OPCML: variants seen among roughly 807,000 people sequenced by gnomAD.
The protein encoded by OPCML is opioid binding protein/cell adhesion molecule like.
Under a neutral mutation model 37.8 loss-of-function variants are expected in OPCML, and 13 were observed. The ratio of observed to expected loss-of-function variants is 0.34; its 90% CI spans 0.22 to 0.55. The LOEUF is 0.55. Among genes scored for constraint, OPCML ranks in the 20% least tolerant of loss-of-function variants. The pLI, the probability that OPCML is intolerant of heterozygous loss-of-function variation, is 0.91. For synonymous variants in OPCML, 176 were observed against 168.8 expected, an observed-to-expected ratio of 1.04 and a Z score of -0.33; for missense variants, 341 against 435.6, an observed-to-expected ratio of 0.78 and a Z score of 1.93.
chr11:133,005,489 G>A (rs1177537453), intron 1 of OPCML: 3 of 985,236 alleles, frequency 3.0e-6, no homozygotes, highest in Admixed American at 6.2e-5. Flanking sequence ...GGGAGGTAGG[G>A]CAGGTCATAT....
intron 2 of OPCML, among the ~76,000 whole-genome samples, chr11:132,917,391 A>G (rs966529133): frequency 6.6e-6 from 1 of 150,880 alleles, no homozygotes; most frequent in Non-Finnish European, 1.5e-5. Flanking sequence ...TCAGGAATAT[A>G]TGCTCTGGTT....
At position 132,416,878 on chromosome 11, in the gene OPCML, C is replaced by T. The variant is rs2095940588; in HGVS notation, c.*3315G>A. 1 of 152,580 alleles carries T rather than the reference C, an allele frequency of 6.6e-6. No individual in the cohort carries two copies. The highest frequency in any genetic ancestry group is 1.5e-5 in the Non-Finnish European group (1 of 68,026). 9.5% of individuals were successfully genotyped at this position (152,580 alleles called of 1,614,324 possible). ...GACTTGCAGTCGACTGTATCAGGCA[C>T]TTGACATTAAACTACTGAAAAACAA... On this transcript the variant is annotated 3_prime_UTR_variant, in exon 8 of 8. Transcript: ENST00000524381.
intron 2 of OPCML, among the ~76,000 whole-genome samples, chr11:132,736,027 A>G (rs181520021): frequency 6.6e-6 from 1 of 152,332 alleles, no homozygotes; most frequent in East Asian, 1.9e-4. Context: ...TTGTGTCTGA[A>G]TCAAGGAACT....
chr11:133,291,068 G>C (rs1942459316), intron 1 of OPCML, among the ~76,000 whole-genome samples: 1 of 152,192 alleles, frequency 6.6e-6, no homozygotes, highest in Non-Finnish European at 1.5e-5. Flanking sequence ...ATAGTTTCCT[G>C]CTTCGCTTGC....
At chr11:133,284,247 C>G (rs1034945539) in intron 1 of OPCML, among the ~76,000 whole-genome samples, 1 of 152,198 alleles carries the variant, frequency 6.6e-6, no homozygotes. Context: ...AGGCTCATTA[C>G]GACCCAGTGC....
At chr11:132,601,843 C>T (rs1937934342) in intron 3 of OPCML, among the ~76,000 whole-genome samples, 1 of 152,092 alleles carries the variant, frequency 6.6e-6, no homozygotes, top group Non-Finnish European at 1.5e-5. Context: ...TAGGTACATA[C>T]AAAAAGGAAA....
At chr11:133,442,716 C>T (rs938383546) in intron 1 of OPCML, among the ~76,000 whole-genome samples, 4 of 137,774 alleles carry the variant, frequency 2.9e-5, no homozygotes, top group Non-Finnish European at 4.6e-5. Context: ...CAAAAGCAAA[C>T]ATATTTAAAC....
rs754302685 is a variant in OPCML, at chr11:133,208,301, C to A, written c.62-265291G>T. On this transcript the variant is annotated intron_variant, in intron 1 of 7. Transcript: ENST00000524381. This position sits in a 1 kb window ranked among gnomAD's most constrained non-coding sequence, Gnocchi z 8.9. ...ATAAATACCAGTGAGTGAATGAATG[C>A]GGGACAGAAGCCTACACTACCGTGT... 6.6e-6 allele frequency among the ~76,000 whole-genome samples: 1 copy of A among 152,208 alleles called. No homozygotes were observed. The highest frequency in any genetic ancestry group is 6.5e-5 in the Admixed American group (1 of 15,296).
intron 1 of OPCML, among the ~76,000 whole-genome samples, chr11:133,390,206 C>T (rs964040080): frequency 6.6e-6 from 1 of 152,214 alleles, no homozygotes; most frequent in African/African-American, 2.4e-5. Context: ...CGCCTGTAAT[C>T]CCGGCACTTT....
intron 1 of OPCML, among the ~76,000 whole-genome samples, chr11:133,355,589 G>A (rs1206909989): frequency 6.6e-6 from 1 of 152,166 alleles, no homozygotes; most frequent in Non-Finnish European, 1.5e-5. Flanking sequence ...TACTATGTCG[G>A]TGGCACAGCT....
At chr11:132,783,084 T>C (rs969936225) in intron 2 of OPCML, among the ~76,000 whole-genome samples, 1 of 151,968 alleles carries the variant, frequency 6.6e-6, no homozygotes, top group Admixed American at 6.6e-5. Flanking sequence ...AGTTCACCTC[T>C]TTGGGTGAAC....
intron 2 of OPCML, among the ~76,000 whole-genome samples, chr11:132,778,762 T>C (rs1946891370): frequency 6.6e-6 from 1 of 152,106 alleles, no homozygotes; most frequent in African/African-American, 2.4e-5. Flanking sequence ...TCAAGGCCTA[T>C]AGAAATTAAA....
chr11:132,840,626 G>T (rs1411158204), intron 2 of OPCML, among the ~76,000 whole-genome samples: 1 of 152,188 alleles, frequency 6.6e-6, no homozygotes, highest in East Asian at 1.9e-4. Flanking sequence ...CACAGAAAGG[G>T]TGTCATAAAA....
chr11:132,747,128 T>C (rs569902690), intron 2 of OPCML, among the ~76,000 whole-genome samples: 3 of 152,112 alleles, frequency 2.0e-5, no homozygotes, highest in Non-Finnish European at 4.4e-5. Flanking sequence ...AATAGAAGGG[T>C]AAAACAGATT....
chr11:132,652,616 C>A (rs974729812), intron 3 of OPCML, among the ~76,000 whole-genome samples: 1 of 152,250 alleles, frequency 6.6e-6, no homozygotes, highest in Non-Finnish European at 1.5e-5. Flanking sequence ...CACTGCACTA[C>A]AGCCTCCCAG....
chr11:133,003,460 TAAGGATAC>T (rs1169818212), intron 1 of OPCML, among the ~76,000 whole-genome samples: 1 of 152,184 alleles, frequency 6.6e-6, no homozygotes, highest in Non-Finnish European at 1.5e-5. Context: ...CTCCCTTTTG[TAAGGATAC>T]AAGTGACTGT....
intron 4 of OPCML, among the ~76,000 whole-genome samples, chr11:132,442,650 A>C (rs1001195046): frequency 6.6e-6 from 1 of 152,230 alleles, no homozygotes; most frequent in Admixed American, 6.5e-5. Flanking sequence ...CCCACGTGTC[A>C]AGGGCAGGGC....
chr11:133,076,503 CA>C (rs1948622736), intron 1 of OPCML, among the ~76,000 whole-genome samples: 1 of 152,168 alleles, frequency 6.6e-6, no homozygotes, highest in Non-Finnish European at 1.5e-5. Context: ...AGATGTTATA[CA>C]AGACTGTAGA....
rs118113937 is a variant in OPCML at position 132,659,918 on chromosome 11, A to C, written c.147-2599T>G. On this transcript the variant is annotated intron_variant, in intron 2 of 7. Coordinates refer to ENST00000524381, the MANE Select transcript of OPCML (RefSeq NM_001012393.5). ...CTTTATGCTTGAAGGTCTTTTATTGATCACCTACCATATTTATTTGCAACC... is the reference window on the plus strand; with the variant it reads ...CTTTATGCTTGAAGGTCTTTTATTGCTCACCTACCATATTTATTTGCAACC... 6.6e-3 allele frequency among the ~76,000 whole-genome samples: 1,008 copies of C among 152,240 alleles called. 11 individuals carry two copies. Among genetic ancestry groups the C allele is most frequent in the Middle Eastern group, 0.01 (3 of 294 alleles).
Sources: gnomAD v4.1 joint callset for allele counts (sites outside exome capture counted in the v4.1 genomes callset) on GRCh38, gnomAD v4.1.1 for gene constraint, Gnocchi (gnomAD v3.1) non-coding constraint, MANE v1.5 for transcripts, NCBI Gene and HGNC (gene_info 2026-07-23, HGNC 2026-07-21) for gene names.